The following MTHFD1L variants were observed in gnomAD, a reference collection of about 807,000 sequenced individuals.
MTHFD1L encodes the protein methylenetetrahydrofolate dehydrogenase (NADP+ dependent) 1 like.
A neutral mutation model predicts 119.5 loss-of-function variants in MTHFD1L; 81 were observed. The observed-to-expected ratio is 0.68, with a 90% CI of 0.57 to 0.82. The LOEUF is 0.82. Among genes scored for constraint, MTHFD1L ranks in the 40% least tolerant of loss-of-function variants. MTHFD1L has a pLI of 0.00. For missense variants in MTHFD1L, 1,125 were observed against 1,253.4 expected (o/e 0.90, Z 1.55); for synonymous variants, 430 against 475.2 (o/e 0.90, Z 1.24).
At chr6:150,898,188 A>G (rs192621079) in intron 7 of MTHFD1L, among the ~76,000 whole-genome samples, 1 of 152,286 alleles carries the variant, frequency 6.6e-6, no homozygotes, top group East Asian at 1.9e-4. Flanking sequence ...ATAACCTATA[A>G]CAATGAAGCA....
rs139875348 is a variant in MTHFD1L, at chr6:150,949,079, G to A, written c.1672G>A (p.Val558Met). Residue 558 changes from valine to methionine, a missense_variant, in exon 16 of 28, where the codon GTG becomes ATG. Around this residue, in one of 3 missense-constraint regions of MTHFD1L, gnomAD observed 1,058 missense variants for 1,151.2 expected, o/e 0.92. Coordinates refer to ENST00000367321, the MANE Select transcript of MTHFD1L (RefSeq NM_015440.5). ...TCCGAGCACACTGACAGAAGAGGAA[G>A]TGAGTAAATTTGCCCGTCTCGACAT... ...TDPSTLTEEE[V>M]SKFARLDIDP... 6.2e-7 allele frequency: 1 copy of A among 1,613,992 alleles called. No homozygotes were observed. The highest frequency in any genetic ancestry group is 1.3e-5 in the African/African-American group (1 of 74,922).
At chr6:151,085,375 G>C (rs1793698853) in intron 26 of MTHFD1L, among the ~76,000 whole-genome samples, 1 of 152,176 alleles carries the variant, frequency 6.6e-6, no homozygotes, top group African/African-American at 2.4e-5. Flanking sequence ...TGCAAACACA[G>C]TGTGGTAATT....
chr6:151,004,782 A>G (rs1029499730), intron 20 of MTHFD1L, among the ~76,000 whole-genome samples: 12 of 152,374 alleles, frequency 7.9e-5, no homozygotes, highest in African/African-American at 2.9e-4. Context: ...TTGCACAATA[A>G]GAGTATTAGT....
intron 7 of MTHFD1L, among the ~76,000 whole-genome samples, chr6:150,893,528 CG>C (rs1270927676): frequency 2.0e-5 from 3 of 152,162 alleles, no homozygotes; most frequent in Admixed American, 6.5e-5. Flanking sequence ...TTATCTTTGA[CG>C]GGCATTTCTG....
intron 11 of MTHFD1L, among the ~76,000 whole-genome samples, chr6:150,932,029 A>AT (rs1189226569): frequency 6.6e-6 from 1 of 151,738 alleles, no homozygotes; most frequent in Non-Finnish European, 1.5e-5. Context: ...GGGCATGGTG[A>AT]TGGGTGCCTG....
chr6:151,067,787 G>A (rs953113437), intron 26 of MTHFD1L, among the ~76,000 whole-genome samples: 2 of 152,222 alleles, frequency 1.3e-5, no homozygotes, highest in Admixed American at 1.3e-4. Flanking sequence ...CTGCCTCGCT[G>A]TATGGTTCAT....
intron 11 of MTHFD1L, among the ~76,000 whole-genome samples, chr6:150,932,807 A>AGG (rs926235734): frequency 1.0e-4 from 14 of 135,342 alleles, no homozygotes; most frequent in East Asian, 2.0e-4. Context: ...AGGGAGGAAG[A>AGG]GAGGGAGGGA....
At chr6:150,925,781 C>T (rs1789862419) in intron 10 of MTHFD1L, among the ~76,000 whole-genome samples, 2 of 152,082 alleles carry the variant, frequency 1.3e-5, no homozygotes, top group South Asian at 2.1e-4. Flanking sequence ...CCATGATGGC[C>T]CATACAGAGC....
At chr6:150,947,154 A>G (rs1439251443) in intron 15 of MTHFD1L, among the ~76,000 whole-genome samples, 2 of 146,218 alleles carry the variant, frequency 1.4e-5, no homozygotes, top group East Asian at 2.4e-4. Context: ...CTGGAGTGCA[A>G]TGGCACGATC....
At chr6:151,086,290 C>G (rs1326336057) in intron 26 of MTHFD1L, among the ~76,000 whole-genome samples, 8 of 152,172 alleles carry the variant, frequency 5.3e-5, no homozygotes, top group Non-Finnish European at 1.0e-4. Context: ...CCCCTCATCT[C>G]TCTCTCTCTC....
chr6:151,092,584 G>A lies in MTHFD1L; in HGVS notation c.*28G>A. The stretch of plus-strand genomic sequence containing the variant: ...GGACAAGGCTCTCACAGGACCCGAT[G>A]CAGGTAGGCTGATGTGCTTCAACTT... On this transcript the variant is annotated 3_prime_UTR_variant, in exon 27 of 28. Transcript: ENST00000367321. 1 of 1,576,270 alleles carries A rather than the reference G, an allele frequency of 6.3e-7. No homozygotes were observed. The highest frequency in any genetic ancestry group is 1.4e-5 in the African/African-American group (1 of 73,872).
intron 20 of MTHFD1L, among the ~76,000 whole-genome samples, chr6:150,995,855 G>A (rs496998): frequency 0.36 from 55,012 of 151,636 alleles, 11,661 homozygotes; most frequent in African/African-American, 0.56. Context: ...TAGAGACGGG[G>A]TTTCACCATG....
chr6:150,866,121 G>A (rs1778251937), intron 1 of MTHFD1L, 72 bp downstream of exon 1: 7 of 1,453,706 alleles, frequency 4.8e-6, no homozygotes, highest in Non-Finnish European at 6.3e-6. Flanking sequence ...GAGCGCCCGG[G>A]ACCGCCGTGG....
chr6:150,888,354 G>A (rs754439484), intron 7 of MTHFD1L, among the ~76,000 whole-genome samples: 12 of 152,258 alleles, frequency 7.9e-5, no homozygotes, highest in South Asian at 4.1e-4. Context: ...AATCGTGAGC[G>A]AAATCTGAGA....
chr6:150,906,045 G>A (rs1166242944), intron 8 of MTHFD1L, among the ~76,000 whole-genome samples: 1 of 152,128 alleles, frequency 6.6e-6, no homozygotes, highest in Non-Finnish European at 1.5e-5. Context: ...ATGTGTGTGA[G>A]GTAAACTAGA....
At chr6:151,082,012 G>A (rs9371494) in intron 26 of MTHFD1L, among the ~76,000 whole-genome samples, 89,532 of 151,832 alleles carry the variant, frequency 0.59, 27,618 homozygotes, top group East Asian at 0.78. Context: ...ATAAAACCCA[G>A]CCCACAACAT....
chr6:151,059,693 G>A (rs949108040), intron 26 of MTHFD1L, among the ~76,000 whole-genome samples: 6 of 151,936 alleles, frequency 3.9e-5, no homozygotes, highest in Admixed American at 1.3e-4. Flanking sequence ...GGAGACTGGC[G>A]TTTCCCAGAG....
chr6:150,870,961 A>T (rs1779330053), intron 1 of MTHFD1L, among the ~76,000 whole-genome samples: 1 of 145,426 alleles, frequency 6.9e-6, no homozygotes. Context: ...ATATATATAT[A>T]TTATATATAT....
chr6:150,948,085 G>A (rs1254439467), intron 15 of MTHFD1L, among the ~76,000 whole-genome samples: 1 of 151,914 alleles, frequency 6.6e-6, no homozygotes, highest in African/African-American at 2.4e-5. Flanking sequence ...TTGGCTCACT[G>A]CAACTTCTGC....
Sources: allele counts gnomAD v4.1 joint callset (sites outside exome capture counted in the v4.1 genomes callset), GRCh38; gene constraint gnomAD v4.1.1; regional missense constraint gnomAD v4.1.1; transcripts MANE v1.5; gene names NCBI Gene and HGNC (gene_info 2026-07-23, HGNC 2026-07-21).